The following SLC25A38 variants were observed in gnomAD, a reference collection of about 807,000 sequenced individuals.
The protein encoded by SLC25A38 is mitochondrial glycine transporter.
Under a neutral mutation model 33.4 loss-of-function variants are expected in SLC25A38, and 27 were observed. That is an observed-to-expected ratio of 0.81 (90% CI 0.60 to 1.11). The LOEUF (loss-of-function observed/expected upper bound fraction) is 1.11, where lower values mean the gene tolerates loss of function less well. SLC25A38 is among the 50% of genes most tolerant of loss of function. The probability of loss-of-function intolerance (pLI) is 0.00; values close to 1 mark genes in which losing one functional copy is unlikely to be tolerated. For synonymous variants in SLC25A38, 123 were observed against 145.9 expected (o/e 0.84, Z 1.13); for missense variants, 344 against 388.8 (o/e 0.88, Z 0.97).
chr3:39,392,926 C>A (rs1181927554), intron 5 of SLC25A38, among the ~76,000 whole-genome samples: 2 of 152,218 alleles, frequency 1.3e-5, no homozygotes, highest in Non-Finnish European at 2.9e-5. Context: ...TTTTTAACTT[C>A]TCAATCCATC....
chr3:39,389,748 T>C lies in SLC25A38; in HGVS notation c.191+132T>C. On this transcript the variant is annotated intron_variant, in intron 2 of 6. Transcript: ENST00000650617. This position sits in a 1 kb window ranked among gnomAD's most constrained non-coding sequence, Gnocchi z 4.5. Reference sequence around the variant, plus strand: ...ACACAGGCCATGCCCAACTTTCATATGTTCTCTGAATTGTTTTTATATTTG... The same window carrying C: ...ACACAGGCCATGCCCAACTTTCATACGTTCTCTGAATTGTTTTTATATTTG... 1 of 1,437,018 alleles carries C rather than the reference T, an allele frequency of 7.0e-7. No homozygotes were observed. Among genetic ancestry groups the C allele is most frequent in the South Asian group, 1.2e-5 (1 of 84,876 alleles). 89.0% of individuals were successfully genotyped at this position (1,437,018 alleles called of 1,614,324 possible).
In SLC25A38 at chr3:39,391,994, A is replaced by G. The variant is rs769117532; in HGVS notation, c.598A>G (p.Asn200Asp). Residue 200 changes from asparagine (N) to aspartate (D), a missense_variant, in exon 5 of 7, where the codon AAC (asparagine) becomes GAC (aspartate). Asn to Asp is a conservative substitution (Grantham distance 23). Around this residue, in one of 2 missense-constraint regions of SLC25A38, gnomAD observed 269 missense variants for 271.8 expected, o/e 0.99. Coordinates refer to ENST00000650617, the MANE Select transcript of SLC25A38 (RefSeq NM_017875.4). Reference sequence around the variant, plus strand: ...CTCAGGAATCTACCTGATGTTTTACAACCAGACCAAAAATATAGTGCCTCA... The same window carrying G: ...CTCAGGAATCTACCTGATGTTTTACGACCAGACCAAAAATATAGTGCCTCA... ...PFSGIYLMFY[N>D]QTKNIVPHDQ... is the part of the protein sequence containing the mutation. The G allele has an allele frequency of 1.2e-6, 2 of 1,614,200 alleles. No individual in the cohort carries two copies. The highest frequency in any genetic ancestry group is 8.5e-7 in the Non-Finnish European group (1 of 1,180,034).
At chr3:39,395,129 C>T (rs949489192) in intron 6 of SLC25A38, among the ~76,000 whole-genome samples, 14 of 152,160 alleles carry the variant, frequency 9.2e-5, no homozygotes, top group Admixed American at 7.2e-4. Context: ...GAAAAAATGT[C>T]ACCAAAAAAA....
At chr3:39,392,098 C>G in intron 5 of SLC25A38, 77 bp downstream of exon 5, 1 of 1,564,600 alleles carries the variant, frequency 6.4e-7, no homozygotes, top group Non-Finnish European at 8.8e-7. Flanking sequence ...GGATATGAGA[C>G]TATGTGTTTC....
At chr3:39,391,344 A>C (rs532139649) in intron 3 of SLC25A38, 97 bp from the exon 4 acceptor site, 1 of 1,549,004 alleles carries the variant, frequency 6.5e-7, no homozygotes, top group South Asian at 1.1e-5. Context: ...AAGCACTTGC[A>C]TGCGAATCAT....
chr3:39,390,782 A>C (rs1286501419), intron 3 of SLC25A38, among the ~76,000 whole-genome samples: 1 of 152,164 alleles, frequency 6.6e-6, no homozygotes, highest in Non-Finnish European at 1.5e-5. Context: ...TGCTCTTATC[A>C]CTTCAGTAAA....
rs1419116202 is a variant in SLC25A38 at position 39,396,985 on chromosome 3, G to A, written c.*465G>A. The A allele has an allele frequency of 1.2e-5, 3 of 245,814 alleles. No individual in the cohort carries two copies. Among genetic ancestry groups the A allele is most frequent in the Admixed American group, 9.9e-5 (2 of 20,144 alleles). The allele number at this position is 245,814 out of a possible 1,614,324, so 15.2% of individuals were successfully genotyped here. ...AGTCACTGTCACCAGGTCACAGACT[G>A]ACTGAGGTGATGGTAGGATGAGGAG... On this transcript the variant is annotated 3_prime_UTR_variant, in exon 7 of 7. Transcript: ENST00000650617.
intron 6 of SLC25A38, among the ~76,000 whole-genome samples, 188 bp from the exon 7 acceptor site, chr3:39,396,210 G>A (rs535883638): frequency 1.5e-5 from 2 of 136,564 alleles, no homozygotes; most frequent in African/African-American, 2.6e-5. Context: ...ACTCTGCCTC[G>A]GAAAAAAAAA....
rs1432130729 is a variant in SLC25A38 at position 39,391,632 on chromosome 3, C to T, written c.456+12C>T. On this transcript the variant is annotated intron_variant, in intron 4 of 6. Transcript: ENST00000650617. ...AGACGCGCTATGAGGTGAGTTCAAC[C>T]ACTTTAGGGCCTCAGGATAGTTCGG... The T allele has an allele frequency of 1.2e-6, 2 of 1,614,044 alleles. No homozygotes were observed. The highest frequency in any genetic ancestry group is 1.7e-6 in the Non-Finnish European group (2 of 1,180,036).
chr3:39,390,779 A>C (rs971352036), intron 3 of SLC25A38, among the ~76,000 whole-genome samples: 75 of 152,222 alleles, frequency 4.9e-4, no homozygotes, highest in African/African-American at 1.8e-3. Context: ...CCTTGCTCTT[A>C]TCACTTCAGT....
At chr3:39,395,261 G>A (rs1378315535) in intron 6 of SLC25A38, among the ~76,000 whole-genome samples, 1 of 152,186 alleles carries the variant, frequency 6.6e-6, no homozygotes, top group Non-Finnish European at 1.5e-5. Context: ...ATGGACAAAT[G>A]GTGGTATTGA....
chr3:39,392,436 T>C (rs2125580993), intron 5 of SLC25A38, among the ~76,000 whole-genome samples: 1 of 152,234 alleles, frequency 6.6e-6, no homozygotes, highest in Non-Finnish European at 1.5e-5. Flanking sequence ...CTTGTTAAAG[T>C]CAGGGAAACA....
rs1157062493 is a variant in SLC25A38 at position 39,391,554 on chromosome 3, G to T, written c.390G>T (p.Gly130=). 1.2e-6 allele frequency: 2 copies of T among 1,614,160 alleles called. No homozygotes were observed. Among genetic ancestry groups the T allele is most frequent in the Admixed American group, 3.3e-5 (2 of 60,016 alleles). Residue 130 remains glycine, a synonymous_variant, in exon 4 of 7, where the codon GGG becomes GGT. Coordinates refer to ENST00000650617, the MANE Select transcript of SLC25A38 (RefSeq NM_017875.4). ...PPTALESVML[G]VGSRSVAGVC... ...CCGCCCTGGAGTCAGTCATGCTGGG[G>T]GTGGGCTCTCGCTCTGTTGCAGGGG...
At chr3:39,395,899 C>T (rs1415065576) in intron 6 of SLC25A38, among the ~76,000 whole-genome samples, 2 of 140,994 alleles carry the variant, frequency 1.4e-5, no homozygotes, top group Non-Finnish European at 3.1e-5. Flanking sequence ...AAGGTAAGCC[C>T]AGCAACTACA....
Position 39,394,508 on chromosome 3 carries a change from A to C in SLC25A38, c.724A>C (p.Lys242Gln). The C allele has an allele frequency of 6.2e-7, 1 of 1,614,192 alleles. No homozygotes were observed. Among genetic ancestry groups the C allele is most frequent in the East Asian group, 2.2e-5 (1 of 44,876 alleles). The change falls in exon 6 of 7, where the codon AAA (lysine) becomes CAA (glutamine). Residue 242 changes from lysine (K) to glutamine (Q), a missense_variant. Physicochemically the swap from Lys to Gln is moderately conservative, Grantham distance 53. Transcript: ENST00000650617. ...GGTAACTCAACCTGCGGATGTTATC[A>C]AAACTCATATGCAGCTTTATCCACT... ...SLVTQPADVI[K>Q]THMQLYPLKF...
chr3:39,391,003 G>A (rs1342365580), intron 3 of SLC25A38, among the ~76,000 whole-genome samples: 1 of 152,176 alleles, frequency 6.6e-6, no homozygotes, highest in Non-Finnish European at 1.5e-5. Flanking sequence ...AGGTTTATTT[G>A]CAGTTTCTTT....
chr3:39,396,741 C>G lies in SLC25A38; in HGVS notation c.*221C>G, dbSNP rs2041835198. ...AGGAGTCATCAATTCATAGAGCACA[C>G]TAGGGTGTTAGGAGAGAGCTTTGCA... On this transcript the variant is annotated 3_prime_UTR_variant, in exon 7 of 7. Coordinates refer to ENST00000650617, the MANE Select transcript of SLC25A38 (RefSeq NM_017875.4). 2 of 673,698 alleles carry G rather than the reference C, an allele frequency of 3.0e-6. No homozygotes were observed. Among genetic ancestry groups the G allele is most frequent in the African/African-American group, 3.6e-5 (2 of 55,792 alleles). The allele number at this position is 673,698 out of a possible 1,614,324, so 41.7% of individuals were successfully genotyped here.
At chr3:39,392,572 G>GCCCAC (rs2041784451) in intron 5 of SLC25A38, among the ~76,000 whole-genome samples, 1 of 151,920 alleles carries the variant, frequency 6.6e-6, no homozygotes, top group African/African-American at 2.4e-5. Flanking sequence ...AGTGGGGGAG[G>GCCCAC]CCCACCCCAC....
chr3:39,393,587 C>G (rs866214993), intron 5 of SLC25A38, among the ~76,000 whole-genome samples: 1 of 152,126 alleles, frequency 6.6e-6, no homozygotes, highest in Non-Finnish European at 1.5e-5. Flanking sequence ...GCAATCTCCT[C>G]CTCCCTGGTT....
Sources: gnomAD v4.1 joint callset for allele counts (sites outside exome capture counted in the v4.1 genomes callset) on GRCh38, gnomAD v4.1.1 for gene constraint, gnomAD v4.1.1 regional missense constraint, Gnocchi (gnomAD v3.1) non-coding constraint, MANE v1.5 for transcripts, NCBI Gene and HGNC (gene_info 2026-07-23, HGNC 2026-07-21) for gene names.